Variants in CHST8 observed in about 807,000 individuals in gnomAD.
The protein encoded by CHST8 is GALNAC-4-ST1.
CHST8 carries 10 observed loss-of-function variants against 15.0 expected under a neutral mutation model. That is an observed-to-expected ratio of 0.67 (90% CI 0.41 to 1.13). The LOEUF (loss-of-function observed/expected upper bound fraction) is 1.13. CHST8 is among the 50% of genes most tolerant of loss of function. CHST8 has a pLI of 0.00. For synonymous variants in CHST8, 259 were observed against 256.6 expected, an observed-to-expected ratio of 1.01 and a Z score of -0.09; for missense variants, 634 against 608.2, an observed-to-expected ratio of 1.04 and a Z score of -0.45.
intron 3 of CHST8, among the ~76,000 whole-genome samples, chr19:33,745,619 A>G (rs2145347906): frequency 6.6e-6 from 1 of 152,310 alleles, no homozygotes; most frequent in African/African-American, 2.4e-5. Flanking sequence ...GTGCCCTCTG[A>G]TCAACACCTG....
intron 3 of CHST8, among the ~76,000 whole-genome samples, chr19:33,692,883 C>A (rs1333208244): frequency 6.6e-6 from 1 of 152,084 alleles, no homozygotes; most frequent in African/African-American, 2.4e-5. Flanking sequence ...GCACCCAGCA[C>A]CCCCCACCAA....
intron 2 of CHST8, among the ~76,000 whole-genome samples, chr19:33,678,983 C>T (rs986682477): frequency 2.0e-5 from 3 of 152,244 alleles, no homozygotes; most frequent in Admixed American, 6.5e-5. Flanking sequence ...GTGCCAGGCA[C>T]TGTTGGCAGC....
chr19:33,629,148 G>A (rs1972093146), intron 1 of CHST8, among the ~76,000 whole-genome samples: 1 of 152,198 alleles, frequency 6.6e-6, no homozygotes, highest in Admixed American at 6.5e-5. Flanking sequence ...TTTGCCTCCT[G>A]ACTCATTGAG....
intron 3 of CHST8, among the ~76,000 whole-genome samples, chr19:33,736,081 G>T (rs1288807003): frequency 2.0e-5 from 3 of 152,202 alleles, no homozygotes. Flanking sequence ...CCCAGGCCCA[G>T]CCTGCGCTTG....
At chr19:33,741,967 G>C (rs1381906574) in intron 3 of CHST8, among the ~76,000 whole-genome samples, 1 of 152,046 alleles carries the variant, frequency 6.6e-6, no homozygotes, top group African/African-American at 2.4e-5. Flanking sequence ...CCAGGCTTGG[G>C]TCATTTATTA....
chr19:33,765,885 T>C (rs1342804359), intron 3 of CHST8, among the ~76,000 whole-genome samples: 1 of 152,122 alleles, frequency 6.6e-6, no homozygotes, highest in East Asian at 1.9e-4. Flanking sequence ...AGATGTGATT[T>C]GCTGTAAAAT....
chr19:33,681,981 G>C (rs771722235), intron 2 of CHST8, among the ~76,000 whole-genome samples: 2 of 151,090 alleles, frequency 1.3e-5, no homozygotes, highest in South Asian at 2.1e-4. Flanking sequence ...TCAGCCTCCC[G>C]AGTAGCTGGG....
At chr19:33,671,213 A>AAC (rs984659656) in intron 2 of CHST8, among the ~76,000 whole-genome samples, 2 of 152,186 alleles carry the variant, frequency 1.3e-5, no homozygotes, top group Admixed American at 6.5e-5. Flanking sequence ...GTGTGATATC[A>AAC]ACACACGTTG....
At chr19:33,716,412 A>C (rs1311669900) in intron 3 of CHST8, among the ~76,000 whole-genome samples, 2 of 152,122 alleles carry the variant, frequency 1.3e-5, no homozygotes, top group African/African-American at 4.8e-5. Flanking sequence ...GGTCACCCAG[A>C]CTGGAGTACA....
chr19:33,761,707 G>A (rs1334939515), intron 3 of CHST8, among the ~76,000 whole-genome samples: 4 of 151,918 alleles, frequency 2.6e-5, no homozygotes, highest in African/African-American at 2.4e-5. Flanking sequence ...GCTTGGTGGT[G>A]CACACCTGTA....
At chr19:33,697,183 A>C (rs976660505) in intron 3 of CHST8, among the ~76,000 whole-genome samples, 1 of 151,436 alleles carries the variant, frequency 6.6e-6, no homozygotes, top group Non-Finnish European at 1.5e-5. Context: ...TCCTGTGCCC[A>C]CTTTTTGATG....
rs192319742 is a variant in CHST8, at chr19:33,722,723, G to A, written c.130+33332G>A. Among the ~76,000 whole-genome samples the A allele has an allele frequency of 4.6e-5, 7 of 152,186 alleles. No homozygotes were observed. In the East Asian group the frequency reaches 7.7e-4, roughly 17 times the overall value. ...GAAACAGCTGTTTCCCACCCCGAGC[G>A]TAACTCCCATCACGGGCCTTGGGAA... On this transcript the variant is annotated intron_variant, in intron 3 of 4. Transcript: ENST00000650847.
In CHST8 at chr19:33,772,297, G is replaced by C. The variant is rs747934999; in HGVS notation, c.509G>C (p.Ser170Thr). 3.7e-6 allele frequency: 6 copies of C among 1,602,644 alleles called. No individual in the cohort carries two copies. Among genetic ancestry groups the C allele is most frequent in the South Asian group, 1.1e-5 (1 of 90,972 alleles). The change falls in exon 5 of 5, where the codon AGC becomes ACC. Residue 170 changes from serine to threonine, a missense_variant. By Grantham distance (58) the Ser-to-Thr change is moderately conservative. Transcript: ENST00000650847. ...GAGGCCTGCGCCAAGTACCGGGCGA[G>C]CAGCAGCCGCCGGGCCGTCACGCCC... The part of the protein sequence containing the change: ...MQEACAKYRA[S>T]SSRRAVTPRH...
rs377431054 is a variant in CHST8 at position 33,658,729 on chromosome 19, C to T, written c.-163-9038C>T. Among the ~76,000 whole-genome samples, 24 of 152,086 alleles carry T rather than the reference C, an allele frequency of 1.6e-4. No individual in the cohort carries two copies. In the East Asian group the frequency reaches 2.7e-3, roughly 17 times the overall value. ...ATATTCTGGAGTTTTACCAAGATTA[C>T]GAATTTATTTTTACTGTTTAGCAGT... On this transcript the variant is annotated intron_variant, in intron 1 of 4. Coordinates refer to ENST00000650847, the MANE Select transcript of CHST8 (RefSeq NM_001127895.2).
At chr19:33,693,357 T>C (rs1258894468) in intron 3 of CHST8, among the ~76,000 whole-genome samples, 3 of 152,196 alleles carry the variant, frequency 2.0e-5, no homozygotes, top group Non-Finnish European at 2.9e-5. Flanking sequence ...AAGAACTGTT[T>C]TATTGACATC....
At chr19:33,652,556 A>G (rs1308864318) in intron 1 of CHST8, among the ~76,000 whole-genome samples, 1 of 151,706 alleles carries the variant, frequency 6.6e-6, no homozygotes, top group Non-Finnish European at 1.5e-5. Context: ...TTGTATCTTT[A>G]TTAGAGATGA....
chr19:33,651,997 A>T (rs1972454688), intron 1 of CHST8, among the ~76,000 whole-genome samples: 1 of 152,114 alleles, frequency 6.6e-6, no homozygotes, highest in African/African-American at 2.4e-5. Flanking sequence ...TCAGAGTGAG[A>T]TGTGTTAAGA....
At chr19:33,625,621 GGAGGCC>G (rs1011651821) in intron 1 of CHST8, among the ~76,000 whole-genome samples, 21 of 152,080 alleles carry the variant, frequency 1.4e-4, no homozygotes, top group African/African-American at 4.8e-4. Context: ...CAGCACTTTG[GGAGGCC>G]GAGGTGGGTG....
At chr19:33,757,526 A>AAGAAAGAGAGAGAGAG in intron 3 of CHST8, among the ~76,000 whole-genome samples, 1 of 17,666 alleles carries the variant, frequency 5.7e-5, no homozygotes, top group East Asian at 9.9e-4. Flanking sequence ...AAGAAAGAGA[A>AAGAAAGAGAGAGAGAG]AGAAAGAAAG....
Sources: allele counts gnomAD v4.1 joint callset (sites outside exome capture counted in the v4.1 genomes callset), GRCh38; gene constraint gnomAD v4.1.1; transcripts MANE v1.5; gene names NCBI Gene and HGNC (gene_info 2026-07-23, HGNC 2026-07-21).